GRID2: variants seen among roughly 807,000 people sequenced by gnomAD.
The protein encoded by GRID2 is glutamate ionotropic receptor delta type subunit 2, also known as glutamate receptor ionotropic, delta-2.
GRID2 carries 33 observed loss-of-function variants against 114.8 expected under a neutral mutation model. The ratio of observed to expected loss-of-function variants is 0.29; its 90% CI spans 0.22 to 0.38. GRID2 has a LOEUF of 0.38. GRID2 is among the 10% of genes least tolerant of loss of function. The pLI is 1.00. For synonymous variants in GRID2, 505 were observed against 449.9 expected, an observed-to-expected ratio of 1.12 and a Z score of -1.55; for missense variants, 1,184 against 1,257.7, an observed-to-expected ratio of 0.94 and a Z score of 0.89.
chr4:93,112,728 A>G (rs1732887888), intron 4 of GRID2, among the ~76,000 whole-genome samples: 1 of 152,194 alleles, frequency 6.6e-6, no homozygotes, highest in African/African-American at 2.4e-5. Context: ...CTAGAAATCT[A>G]AAATCAAGAT....
intron 2 of GRID2, among the ~76,000 whole-genome samples, chr4:92,819,868 G>T (rs1448923905): frequency 6.6e-6 from 1 of 152,036 alleles, no homozygotes; most frequent in African/African-American, 2.4e-5. Context: ...ATAATGAAGA[G>T]AAATGATAAA....
intron 2 of GRID2, among the ~76,000 whole-genome samples, chr4:92,674,952 T>C (rs1271717400): frequency 1.3e-5 from 2 of 152,216 alleles, no homozygotes; most frequent in African/African-American, 4.8e-5. Flanking sequence ...ATTTTCTTTT[T>C]CTTATGGTCA....
intron 13 of GRID2, among the ~76,000 whole-genome samples, chr4:93,517,030 T>A (rs1459484359): frequency 6.6e-6 from 1 of 152,040 alleles, no homozygotes; most frequent in Non-Finnish European, 1.5e-5. Context: ...CTCATTTTTT[T>A]AAATAAAATG....
At chr4:93,719,994 C>T (rs1052958935) in intron 14 of GRID2, among the ~76,000 whole-genome samples, 1 of 152,176 alleles carries the variant, frequency 6.6e-6, no homozygotes, top group African/African-American at 2.4e-5. Context: ...CCTACCACCC[C>T]ACCTTATTTT....
At chr4:93,408,785 C>CT (rs958239270) in intron 9 of GRID2, among the ~76,000 whole-genome samples, 1 of 152,088 alleles carries the variant, frequency 6.6e-6, no homozygotes, top group African/African-American at 2.4e-5. Flanking sequence ...TTGTTTCTTG[C>CT]TTTTAAATAT....
chr4:93,047,573 A>G (rs1354121717), intron 2 of GRID2, among the ~76,000 whole-genome samples: 3 of 152,042 alleles, frequency 2.0e-5, no homozygotes, highest in Non-Finnish European at 4.4e-5. Context: ...GCTGGCAATA[A>G]TTCACTTAAT....
At chr4:93,411,823 A>G (rs1560592657) in intron 9 of GRID2, among the ~76,000 whole-genome samples, 1 of 151,930 alleles carries the variant, frequency 6.6e-6, no homozygotes, top group Non-Finnish European at 1.5e-5. Flanking sequence ...CTATTAATTT[A>G]TCTAGGGTTG....
chr4:93,278,629 G>T (rs1752327147), intron 8 of GRID2, among the ~76,000 whole-genome samples: 1 of 151,792 alleles, frequency 6.6e-6, no homozygotes, highest in African/African-American at 2.4e-5. Context: ...AGTATATAAT[G>T]AATACACAAA....
At chr4:92,921,021 A>C (rs1035238719) in intron 2 of GRID2, among the ~76,000 whole-genome samples, 43 of 152,120 alleles carry the variant, frequency 2.8e-4, no homozygotes, top group African/African-American at 1.0e-3. Flanking sequence ...ACATAGTCCC[A>C]TATTTCTTGG....
At chr4:93,764,416 C>G (rs1489028041) in intron 14 of GRID2, among the ~76,000 whole-genome samples, 1 of 152,078 alleles carries the variant, frequency 6.6e-6, no homozygotes, top group Non-Finnish European at 1.5e-5. Flanking sequence ...GCATGTAATT[C>G]TCCATTAAGA....
intron 8 of GRID2, among the ~76,000 whole-genome samples, chr4:93,272,758 G>A (rs1015176692): frequency 2.0e-5 from 3 of 152,132 alleles, no homozygotes; most frequent in African/African-American, 4.8e-5. Context: ...TGTAATAATG[G>A]TCCAGCAAGA....
At chr4:93,314,178 G>A (rs992142309) in intron 8 of GRID2, among the ~76,000 whole-genome samples, 5 of 151,710 alleles carry the variant, frequency 3.3e-5, no homozygotes, top group African/African-American at 9.7e-5. Context: ...GATGGCATGT[G>A]CCTGTAGTCC....
At chr4:92,924,541 A>C (rs899462287) in intron 2 of GRID2, among the ~76,000 whole-genome samples, 4 of 152,170 alleles carry the variant, frequency 2.6e-5, no homozygotes, top group African/African-American at 9.7e-5. Flanking sequence ...ATAGTTTTAA[A>C]AATTATCTTC....
chr4:92,305,588 G>A (rs964249179), intron 1 of GRID2, among the ~76,000 whole-genome samples: 2 of 152,164 alleles, frequency 1.3e-5, no homozygotes, highest in Non-Finnish European at 2.9e-5. Context: ...CGAAGGCGCC[G>A]GGACTACTGC....
chr4:93,141,887 A>G (rs1231049036), intron 4 of GRID2, among the ~76,000 whole-genome samples: 1 of 152,224 alleles, frequency 6.6e-6, no homozygotes. Context: ...TTTCCTACAC[A>G]TAACAAGGGA....
At chr4:93,443,848 A>G (rs1721848557) in intron 10 of GRID2, among the ~76,000 whole-genome samples, 1 of 151,808 alleles carries the variant, frequency 6.6e-6, no homozygotes, top group South Asian at 2.1e-4. Flanking sequence ...TGAAGGTTAT[A>G]TAAAAGCACT....
chr4:93,619,846 C>G (rs1373119295), intron 13 of GRID2, among the ~76,000 whole-genome samples: 1 of 152,202 alleles, frequency 6.6e-6, no homozygotes, highest in Non-Finnish European at 1.5e-5. Flanking sequence ...TTGCCGTAAA[C>G]TACATAGCAT....
chr4:93,668,684 G>A (rs1461105468), intron 14 of GRID2, among the ~76,000 whole-genome samples: 1 of 152,150 alleles, frequency 6.6e-6, no homozygotes, highest in East Asian at 1.9e-4. Context: ...TGTGGCTTGT[G>A]TTCCTGGATT....
In GRID2 at chr4:93,569,221, T is replaced by C. The variant is rs539860225; in HGVS notation, c.2193+53810T>C. Among the ~76,000 whole-genome samples the C allele has an allele frequency of 9.8e-5, 15 of 152,306 alleles. No homozygotes were observed. The South Asian group carries it at 3.1e-3, about 32-fold the overall frequency. On this transcript the variant is annotated intron_variant, in intron 13 of 15. Transcript: ENST00000282020. ...ACTATGCCTAAAATCATACCTTTAC[T>C]TGCCCTTCTATTTCCCTGCCCTCCT...
Sources: allele counts gnomAD v4.1 joint callset (sites outside exome capture counted in the v4.1 genomes callset), GRCh38; gene constraint gnomAD v4.1.1; transcripts MANE v1.5; gene names NCBI Gene and HGNC (gene_info 2026-07-23, HGNC 2026-07-21).